Variants in GSDME observed in about 807,000 individuals in gnomAD.
GSDME encodes gasdermin E.
GSDME carries 44 observed loss-of-function variants against 47.5 expected under a neutral mutation model. The ratio of observed to expected loss-of-function variants is 0.93; its 90% CI spans 0.73 to 1.19. GSDME has a LOEUF of 1.19. Ranked by LOEUF, GSDME falls within the 50% of genes most tolerant of loss-of-function variation. The pLI is 0.00. For missense variants in GSDME, 663 were observed against 604.2 expected (o/e 1.10, Z -1.02); for synonymous variants, 258 against 252.8 (o/e 1.02, Z -0.20).
chr7:24,737,593 C>T (rs1790350579), intron 3 of GSDME, among the ~76,000 whole-genome samples: 1 of 151,896 alleles, frequency 6.6e-6, no homozygotes, highest in African/African-American at 2.4e-5. Flanking sequence ...AATACCAATC[C>T]TACTCAAACT....
Position 24,728,795 on chromosome 7 carries a change from G to A in GSDME, c.405-9577C>T, listed in dbSNP as rs1224998150. Among the ~76,000 whole-genome samples the A allele has an allele frequency of 6.6e-6, 1 of 152,186 alleles. No homozygotes were observed. Among genetic ancestry groups the A allele is most frequent in the South Asian group, 2.1e-4 (1 of 4,828 alleles). On this transcript the variant is annotated intron_variant, in intron 3 of 9. Coordinates refer to ENST00000645220, the MANE Select transcript of GSDME (RefSeq NM_001127453.2). This position sits in a 1 kb window ranked among gnomAD's most constrained non-coding sequence, Gnocchi z 7.2. The stretch of plus-strand genomic sequence containing the variant: ...CATCAGAGATGCTCAGCCCACAGCC[G>A]GGGGCAGGAAATCTCTAGAAACCTC...
Position 24,757,032 on chromosome 7 carries a change from G to A in GSDME, c.-20+364C>T, listed in dbSNP as rs1214188396. ...ACAAAGGATGAACGAATGGGGAGGG[G>A]GGGTTTGGGGGGTTGGGAGAACGAA... is the stretch of plus-strand genomic sequence containing the variant. On this transcript the variant is annotated intron_variant, in intron 1 of 9. Coordinates refer to ENST00000645220, the MANE Select transcript of GSDME (RefSeq NM_001127453.2). The surrounding 1 kb of genome is among the most constrained non-coding windows in gnomAD (Gnocchi z 5.9). 6.6e-6 allele frequency among the ~76,000 whole-genome samples: 1 copy of A among 152,128 alleles called. No individual in the cohort carries two copies. The highest frequency in any genetic ancestry group is 1.5e-5 in the Non-Finnish European group (1 of 68,008).
chr7:24,760,014 C>T (rs1791143395), upstream of GSDME, among the ~76,000 whole-genome samples: 1 of 152,146 alleles, frequency 6.6e-6, no homozygotes, highest in African/African-American at 2.4e-5. The surrounding 1 kb of genome is among the most constrained non-coding windows in gnomAD (Gnocchi z 4.2). Flanking sequence ...TCTTCTTATT[C>T]CATATAGATA....
intron 6 of GSDME, among the ~76,000 whole-genome samples, chr7:24,708,554 G>GT (rs1391504302): frequency 6.6e-6 from 1 of 152,186 alleles, no homozygotes; most frequent in African/African-American, 2.4e-5. Context: ...TTCTGGAAAA[G>GT]TTATTTAAAT....
At position 24,712,742 on chromosome 7, in the gene GSDME, G is replaced by A. The variant is rs1283395664; in HGVS notation, c.698-2354C>T. Among the ~76,000 whole-genome samples, 4 of 152,212 alleles carry A rather than the reference G, an allele frequency of 2.6e-5. No homozygotes were observed. Among genetic ancestry groups the A allele is most frequent in the Admixed American group, 1.3e-4 (2 of 15,286 alleles). On this transcript the variant is annotated intron_variant, in intron 5 of 9. Coordinates refer to ENST00000645220, the MANE Select transcript of GSDME (RefSeq NM_001127453.2). The surrounding 1 kb of genome is among the most constrained non-coding windows in gnomAD (Gnocchi z 4.4). ...ACAGACAGATTAACAAGAGAGGCCA[G>A]GCACGGTGGCTCACACCTATAATCC...
Position 24,724,601 on chromosome 7 carries a change from C to G in GSDME, c.405-5383G>C, listed in dbSNP as rs530600510. 4.6e-5 allele frequency: 7 copies of G among 152,464 alleles called. No homozygotes were observed. The South Asian group carries it at 6.2e-4, about 14-fold the overall frequency. The allele number at this position is 152,464 out of a possible 1,614,324, so 9.4% of individuals were successfully genotyped here. ...CAGGGGAAGGGGGTGCATACTCAGTCGAGAAGAACTCCCTCTCCTCACTCA... is the reference window on the plus strand; with the variant it reads ...CAGGGGAAGGGGGTGCATACTCAGTGGAGAAGAACTCCCTCTCCTCACTCA... On this transcript the variant is annotated intron_variant, in intron 3 of 9. Coordinates refer to ENST00000645220, the MANE Select transcript of GSDME (RefSeq NM_001127453.2). This position sits in a 1 kb window ranked among gnomAD's most constrained non-coding sequence, Gnocchi z 4.8.
chr7:24,739,943 A>G lies in GSDME; in HGVS notation c.404+4619T>C, dbSNP rs574274920. ...CCCCATCTCTACTAAAAATACAAAAATTAGCCAGGTTTGGTGATGGGTGCC... is the reference window on the plus strand; with the variant it reads ...CCCCATCTCTACTAAAAATACAAAAGTTAGCCAGGTTTGGTGATGGGTGCC... On this transcript the variant is annotated intron_variant, in intron 3 of 9. Transcript: ENST00000645220. The surrounding 1 kb of genome is among the most constrained non-coding windows in gnomAD (Gnocchi z 5.1). Among the ~76,000 whole-genome samples the G allele has an allele frequency of 6.6e-6, 1 of 152,076 alleles. No individual in the cohort carries two copies. Among genetic ancestry groups the G allele is most frequent in the Non-Finnish European group, 1.5e-5 (1 of 68,000 alleles).
intron 3 of GSDME, among the ~76,000 whole-genome samples, chr7:24,740,446 A>G (rs1005258495): frequency 6.6e-6 from 1 of 151,138 alleles, no homozygotes; most frequent in South Asian, 2.1e-4. Flanking sequence ...CCTAAAGCCA[A>G]TAATAATTGT....
rs989953643 is a variant in GSDME at position 24,745,057 on chromosome 7, C to A, written c.212-303G>T. 6.7e-6 allele frequency among the ~76,000 whole-genome samples: 1 copy of A among 150,190 alleles called. No homozygotes were observed. The highest frequency in any genetic ancestry group is 1.5e-5 in the Non-Finnish European group (1 of 67,690). ...TGTGGACCACGGGCACACAGTGGAC[C>A]AGTGACCAGGGCTCCACTAGAAGCT... On this transcript the variant is annotated intron_variant, in intron 2 of 9. Coordinates refer to ENST00000645220, the MANE Select transcript of GSDME (RefSeq NM_001127453.2). The surrounding 1 kb of genome is among the most constrained non-coding windows in gnomAD (Gnocchi z 4.4).
In GSDME at chr7:24,698,776, C is replaced by A; in HGVS notation, c.*250G>T. On this transcript the variant is annotated 3_prime_UTR_variant, in exon 10 of 10. Transcript: ENST00000645220. Reference sequence around the variant, plus strand: ...ATGTATGCTAAGAATTCTCCGCCCTCCCAGCTCTTTACATGCTGGAACCTA... The same window carrying A: ...ATGTATGCTAAGAATTCTCCGCCCTACCAGCTCTTTACATGCTGGAACCTA... The A allele has an allele frequency of 7.5e-6, 4 of 536,482 alleles. No homozygotes were observed. In the South Asian group the frequency reaches 8.2e-5, roughly 11 times the overall value. 33.2% of individuals were successfully genotyped at this position (536,482 alleles called of 1,614,324 possible).
chr7:24,731,367 C>G (rs1458833491), intron 3 of GSDME, among the ~76,000 whole-genome samples: 1 of 152,252 alleles, frequency 6.6e-6, no homozygotes, highest in African/African-American at 2.4e-5. Context: ...CATGCAAGAA[C>G]CAGAGCCCCG....
Position 24,736,350 on chromosome 7 carries a change from CA to C in GSDME, c.404+8211del, listed in dbSNP as rs1179682217. 6.6e-6 allele frequency among the ~76,000 whole-genome samples: 1 copy of C among 151,426 alleles called. No homozygotes were observed. The highest frequency in any genetic ancestry group is 2.4e-5 in the African/African-American group (1 of 41,160). ...GGAAAAAGCCCATGCAAATCACAGG[CA>C]AAAAAACAGCAGGAGTAACTATATT... On this transcript the variant is annotated intron_variant, in intron 3 of 9. Coordinates refer to ENST00000645220, the MANE Select transcript of GSDME (RefSeq NM_001127453.2). The surrounding 1 kb of genome is among the most constrained non-coding windows in gnomAD (Gnocchi z 4.6).
At chr7:24,707,252 GAAAAACAA>G in intron 7 of GSDME, 1 of 466,392 alleles carries the variant, frequency 2.1e-6, no homozygotes, top group South Asian at 1.6e-5. Context: ...TAATATAATA[GAAAAACAA>G]AAGAACAAAA....
Position 24,705,995 on chromosome 7 carries a change from C to T in GSDME, c.1183+189G>A. On this transcript the variant is annotated intron_variant, in intron 8 of 9. Coordinates refer to ENST00000645220, the MANE Select transcript of GSDME (RefSeq NM_001127453.2). This position sits in a 1 kb window ranked among gnomAD's most constrained non-coding sequence, Gnocchi z 4.1. ...GGGAGGCTTGTGCTGGATGGAAAGG[C>T]ACAGACTCGAGACCGAAGGGGGGTT... The T allele has an allele frequency of 2.8e-6, 2 of 715,974 alleles. No individual in the cohort carries two copies. Among genetic ancestry groups the T allele is most frequent in the Non-Finnish European group, 4.8e-6 (2 of 417,354 alleles). The allele number at this position is 715,974 out of a possible 1,614,324, so 44.4% of individuals were successfully genotyped here. A position where few individuals can be genotyped will look rare whatever the true frequency, so the allele number is the denominator to read the frequency against.
the GSDME span, among the ~76,000 whole-genome samples, chr7:24,781,631 A>G: frequency 6.6e-6 from 1 of 151,918 alleles, no homozygotes; most frequent in Non-Finnish European, 1.5e-5. Context: ...GCGTTTGTTT[A>G]TGTGGATTAA....
chr7:24,773,053 C>T, the GSDME span, among the ~76,000 whole-genome samples: 1 of 152,172 alleles, frequency 6.6e-6, no homozygotes, highest in South Asian at 2.1e-4. This position sits in a 1 kb window ranked among gnomAD's most constrained non-coding sequence, Gnocchi z 5.4. Context: ...ATGCTCTTAA[C>T]CCAAGGTGGG....
At chr7:24,709,151 G>A (rs1789245421) in intron 6 of GSDME, among the ~76,000 whole-genome samples, 1 of 152,162 alleles carries the variant, frequency 6.6e-6, no homozygotes. Flanking sequence ...GTCTTTACCA[G>A]TCCCAGCCTG....
the GSDME span, among the ~76,000 whole-genome samples, chr7:24,775,532 T>C: frequency 3.3e-5 from 5 of 152,144 alleles, no homozygotes; most frequent in African/African-American, 4.8e-5. Flanking sequence ...TTGAGGTTGC[T>C]GTCCTCCTTC....
At chr7:24,750,822 G>T (rs543994691) in intron 1 of GSDME, among the ~76,000 whole-genome samples, 6 of 152,296 alleles carry the variant, frequency 3.9e-5, no homozygotes, top group African/African-American at 1.2e-4. Context: ...GAGGAGAAAA[G>T]AAGAGATACA....
Sources: allele counts gnomAD v4.1 joint callset (sites outside exome capture counted in the v4.1 genomes callset), GRCh38; gene constraint gnomAD v4.1.1; non-coding constraint Gnocchi (gnomAD v3.1); transcripts MANE v1.5; gene names NCBI Gene and HGNC (gene_info 2026-07-23, HGNC 2026-07-21).